The following ERC2 variants were observed in gnomAD, a reference collection of about 807,000 sequenced individuals.
ERC2 encodes ELKS/RAB6-interacting/CAST family member 2, also known as ERC protein 2.
ERC2 carries 42 observed loss-of-function variants against 114.8 expected under a neutral mutation model. The observed-to-expected ratio is 0.37, with a 90% CI of 0.29 to 0.47. The LOEUF (loss-of-function observed/expected upper bound fraction) is 0.47, where lower values mean the gene tolerates loss of function less well. Ranked by LOEUF, ERC2 falls within the 20% of genes least tolerant of loss-of-function variation. The pLI is 0.99. For missense variants in ERC2, 939 were observed against 1,150.7 expected (o/e 0.82, Z 2.66); for synonymous variants, 454 against 425.5 (o/e 1.07, Z -0.82).
intron 15 of ERC2, among the ~76,000 whole-genome samples, chr3:55,704,766 T>C (rs2063397638): frequency 6.6e-6 from 1 of 152,224 alleles, no homozygotes; most frequent in Non-Finnish European, 1.5e-5. Context: ...TTGGGGAACT[T>C]TCTGGGAGTA....
At chr3:56,461,240 A>T (rs2063305798) in intron 1 of ERC2, among the ~76,000 whole-genome samples, 1 of 152,226 alleles carries the variant, frequency 6.6e-6, no homozygotes, top group South Asian at 2.1e-4. Context: ...AGTTACATAA[A>T]GTTTAGCAGA....
intron 7 of ERC2, among the ~76,000 whole-genome samples, chr3:56,029,101 T>TA (rs1408920531): frequency 6.6e-6 from 1 of 152,084 alleles, no homozygotes; most frequent in African/African-American, 2.4e-5. Flanking sequence ...ATTATAATAA[T>TA]TAGTTTTGGT....
At chr3:55,679,284 G>C (rs896070613) in intron 17 of ERC2, among the ~76,000 whole-genome samples, 2 of 151,978 alleles carry the variant, frequency 1.3e-5, no homozygotes, top group African/African-American at 4.8e-5. Flanking sequence ...TGCCTCCCGG[G>C]ACCACCTCCC....
At chr3:55,586,645 C>CAT (rs1185032390) in intron 17 of ERC2, among the ~76,000 whole-genome samples, 1 of 152,194 alleles carries the variant, frequency 6.6e-6, no homozygotes, top group East Asian at 1.9e-4. Context: ...ACATTTGTGA[C>CAT]ATAACACAAA....
intron 13 of ERC2, among the ~76,000 whole-genome samples, chr3:55,889,632 C>T (rs571455301): frequency 6.6e-6 from 1 of 152,122 alleles, no homozygotes; most frequent in East Asian, 1.9e-4. Context: ...GTGGAGCAAG[C>T]TGGTGAAATG....
At chr3:56,012,322 C>T (rs1048033442) in intron 8 of ERC2, among the ~76,000 whole-genome samples, 35 of 152,286 alleles carry the variant, frequency 2.3e-4, no homozygotes, top group African/African-American at 8.2e-4. Context: ...AAGGACCTGT[C>T]GTCTCACTAT....
At chr3:56,395,345 C>T (rs1046857490) in intron 2 of ERC2, among the ~76,000 whole-genome samples, 15 of 152,206 alleles carry the variant, frequency 9.9e-5, no homozygotes, top group African/African-American at 3.4e-4. Flanking sequence ...AACCAAAGTG[C>T]CAGGGTCTTT....
chr3:56,167,099 G>T (rs1169537741), intron 4 of ERC2, among the ~76,000 whole-genome samples: 2 of 152,008 alleles, frequency 1.3e-5, no homozygotes, highest in Non-Finnish European at 1.5e-5. Context: ...CCAAAATCAT[G>T]CCAGTTTTCC....
intron 17 of ERC2, among the ~76,000 whole-genome samples, chr3:55,523,378 T>C (rs2053092875): frequency 1.3e-5 from 2 of 152,226 alleles, no homozygotes; most frequent in Non-Finnish European, 2.9e-5. Flanking sequence ...AGGAGGCACA[T>C]GGCTGGGTCT....
intron 14 of ERC2, among the ~76,000 whole-genome samples, chr3:55,796,818 G>A (rs1178096830): frequency 1.3e-5 from 2 of 152,144 alleles, no homozygotes; most frequent in Non-Finnish European, 2.9e-5. Context: ...CTACTCGCAA[G>A]CCTAATATAT....
intron 17 of ERC2, among the ~76,000 whole-genome samples, chr3:55,619,173 A>G (rs1298387483): frequency 6.6e-6 from 1 of 152,222 alleles, no homozygotes; most frequent in African/African-American, 2.4e-5. Context: ...TTGCCAACTG[A>G]AAAATCTGGA....
At chr3:55,630,689 G>A (rs1051312713) in intron 17 of ERC2, among the ~76,000 whole-genome samples, 1 of 152,196 alleles carries the variant, frequency 6.6e-6, no homozygotes, top group Non-Finnish European at 1.5e-5. Flanking sequence ...GGCCTCCCTG[G>A]TGGACACACC....
In ERC2 at chr3:55,786,982, T is replaced by C. The variant is rs563929012; in HGVS notation, c.2565-52064A>G. ...TACTACAAGTCCTTGCCCTGAAATA[T>C]ATATGGCTGCATTATGAACTGTGGG... On this transcript the variant is annotated intron_variant, in intron 14 of 17. Coordinates refer to ENST00000288221, the MANE Select transcript of ERC2 (RefSeq NM_015576.3). Among the ~76,000 whole-genome samples, 11 of 152,306 alleles carry C rather than the reference T, an allele frequency of 7.2e-5. No individual in the cohort carries two copies. In the Middle Eastern group the frequency reaches 0.01, roughly 141 times the overall value.
At chr3:56,436,746 G>T (rs1335825597) in intron 1 of ERC2, among the ~76,000 whole-genome samples, 1 of 152,212 alleles carries the variant, frequency 6.6e-6, no homozygotes, top group Non-Finnish European at 1.5e-5. Context: ...AGTTGGAACA[G>T]CTGGGAAAGA....
rs963538031 is a variant in ERC2 at position 56,113,224 on chromosome 3, G to C, written c.1473+26285C>G. Among the ~76,000 whole-genome samples the C allele has an allele frequency of 7.2e-5, 11 of 152,110 alleles. 1 individual carries two copies. In the South Asian group the frequency reaches 2.1e-3, roughly 29 times the overall value. ...TAATTTACTGAATATAGAAAGATGG[G>C]ATACATTAAGGAAAAGATGACAACA... On this transcript the variant is annotated intron_variant, in intron 6 of 17. Transcript: ENST00000288221.
chr3:55,663,882 C>G (rs1289333994), intron 17 of ERC2, among the ~76,000 whole-genome samples: 1 of 152,206 alleles, frequency 6.6e-6, no homozygotes, highest in South Asian at 2.1e-4. Context: ...TACACACACT[C>G]TTTGCTGCTA....
intron 2 of ERC2, among the ~76,000 whole-genome samples, chr3:56,384,025 CAG>C (rs924225160): frequency 6.6e-6 from 1 of 152,122 alleles, no homozygotes; most frequent in African/African-American, 2.4e-5. Flanking sequence ...TAGTATGTGT[CAG>C]AGTTTCCTTT....
chr3:55,938,970 G>A (rs1437460309), intron 13 of ERC2, among the ~76,000 whole-genome samples: 1 of 152,136 alleles, frequency 6.6e-6, no homozygotes, highest in Non-Finnish European at 1.5e-5. Context: ...TATCAGATTT[G>A]GATTTGGAGT....
At chr3:55,561,809 A>C (rs902216994) in intron 17 of ERC2, among the ~76,000 whole-genome samples, 1 of 152,164 alleles carries the variant, frequency 6.6e-6, no homozygotes, top group African/African-American at 2.4e-5. Flanking sequence ...GTCTATTAAA[A>C]TGCAGCATCC....
Sources: allele counts gnomAD v4.1 joint callset (sites outside exome capture counted in the v4.1 genomes callset), GRCh38; gene constraint gnomAD v4.1.1; transcripts MANE v1.5; gene names NCBI Gene and HGNC (gene_info 2026-07-23, HGNC 2026-07-21).